The following RNF25 variants were observed in gnomAD, a reference collection of about 807,000 sequenced individuals.
RNF25 encodes the protein E3 ubiquitin-protein ligase RNF25.
RNF25 carries 32 observed loss-of-function variants against 65.0 expected under a neutral mutation model. That is an observed-to-expected ratio of 0.49 (90% CI 0.37 to 0.66). The LOEUF is 0.66. RNF25 is among the 30% of genes least tolerant of loss of function. The pLI is 0.00. For missense variants in RNF25, 493 were observed against 584.8 expected (o/e 0.84, Z 1.62); for synonymous variants, 207 against 221.2 (o/e 0.94, Z 0.57).
In RNF25 at chr2:218,668,118, A is replaced by C. The variant is rs926231142; in HGVS notation, c.248T>G (p.Ile83Ser). 1 of 1,614,182 alleles carries C rather than the reference A, an allele frequency of 6.2e-7. No individual in the cohort carries two copies. Among genetic ancestry groups the C allele is most frequent in the South Asian group, 1.1e-5 (1 of 91,082 alleles). Reference protein sequence around the residue: ...EYPHEVPQISIRNPRGLSDEQ... With the variant: ...EYPHEVPQISSRNPRGLSDEQ... ...ATCTGAAAGTCCTCGGGGATTTCGG[A>C]TAGAGATCTGTGGCACCTCATGGGG... is the stretch of plus-strand genomic sequence containing the variant. The change falls in exon 4 of 10, where the codon ATC becomes AGC. Residue 83 changes from isoleucine (I) to serine (S), a missense_variant. Physicochemically the swap from Ile to Ser is moderately radical, Grantham distance 142. Transcript: ENST00000295704.
intron 2 of RNF25, 87 bp downstream of exon 2, chr2:218,668,518 G>T: frequency 9.5e-7 from 1 of 1,055,564 alleles, no homozygotes; most frequent in Non-Finnish European, 1.5e-6. Context: ...CTGAATCAAG[G>T]CTCACAATGT....
At chr2:218,669,240 G>A (rs1254274226) in intron 1 of RNF25, among the ~76,000 whole-genome samples, 7 of 152,290 alleles carry the variant, frequency 4.6e-5, no homozygotes, top group South Asian at 2.1e-4. Context: ...CAGCAGCCTC[G>A]GAGTTAGTTA....
At chr2:218,669,087 C>G (rs1939896071) in intron 1 of RNF25, among the ~76,000 whole-genome samples, 1 of 152,250 alleles carries the variant, frequency 6.6e-6, no homozygotes, top group South Asian at 2.1e-4. Flanking sequence ...TTCCCTACGT[C>G]ACTGTCCAGT....
In RNF25 at chr2:218,664,429, G is replaced by C; in HGVS notation, c.908C>G (p.Thr303Ser). The C allele has an allele frequency of 1.2e-6, 2 of 1,614,242 alleles. No individual in the cohort carries two copies. Among genetic ancestry groups the C allele is most frequent in the Non-Finnish European group, 1.7e-6 (2 of 1,180,042 alleles). Residue 303 changes from threonine to serine, a missense_variant, in exon 10 of 10, where the codon ACT becomes AGT. Thr to Ser is a moderately conservative substitution (Grantham distance 58). Transcript: ENST00000295704. This position sits in a 1 kb window ranked among gnomAD's most constrained non-coding sequence, Gnocchi z 5.1. ...CGCCACAGGCAGAGGAGGTGGCAAA[G>C]TGGATTGGACGGCTGGTGAGGTGGA... is the stretch of plus-strand genomic sequence containing the variant. Reference protein sequence around the residue: ...ELSTSPAVQSTLPPPLPVATQ... With the variant: ...ELSTSPAVQSSLPPPLPVATQ...
intron 1 of RNF25, 124 bp from the exon 2 acceptor site, chr2:218,668,803 C>A (rs1181997203): frequency 1.4e-6 from 1 of 698,708 alleles, no homozygotes; most frequent in African/African-American, 1.8e-5. Flanking sequence ...CTGCTAAACT[C>A]CTTAAAAACA....
Position 218,664,677 on chromosome 2 carries a change from C to T in RNF25, c.801+62G>A. On this transcript the variant is annotated intron_variant, in intron 9 of 9. Transcript: ENST00000295704. The surrounding 1 kb of genome is among the most constrained non-coding windows in gnomAD (Gnocchi z 5.1). ...AACAAAGCTCACTCTGGGGCCATGG[C>T]TGATTGGGGTTTGTAGAAAGGTTGG... 6.2e-7 allele frequency: 1 copy of T among 1,608,152 alleles called. No individual in the cohort carries two copies.
chr2:218,669,884 T>C (rs1939908959), intron 1 of RNF25, among the ~76,000 whole-genome samples: 1 of 152,146 alleles, frequency 6.6e-6, no homozygotes, highest in Non-Finnish European at 1.5e-5. Context: ...GCTGCACTCA[T>C]TGTTGCTGTC....
rs765597074 is a variant in RNF25 at position 218,666,034 on chromosome 2, G to C, written c.455C>G (p.Pro152Arg). The C allele has an allele frequency of 1.2e-6, 2 of 1,613,990 alleles. No individual in the cohort carries two copies. The highest frequency in any genetic ancestry group is 1.7e-6 in the Non-Finnish European group (2 of 1,179,920). Residue 152 changes from proline to arginine, a missense_variant, in exon 7 of 10, where the codon CCC becomes CGC. Pro to Arg is a moderately radical substitution (Grantham distance 103, BLOSUM62 -2). Transcript: ENST00000295704. ...FQEKEAFTKT[P>R]CYHYFHCHCL... ...GTGGCAGTGGAAGTAGTGGTAACAG[G>C]GTGTTTTGGTAAAGGCCTCCTTCTC...
chr2:218,664,028 G>C lies in RNF25; in HGVS notation c.1309C>G (p.Arg437Gly). ...CCAGGCCGGTATGCTCCCTGGCCCC[G>C]AGGCAGGCGAGGGTAGGAAGAACCG... Reference protein sequence around the residue: ...TPGSSYPRLPRGQGAYRPGTR... With the variant: ...TPGSSYPRLPGGQGAYRPGTR... The change falls in exon 10 of 10, where the codon CGG becomes GGG. Residue 437 changes from arginine to glycine, a missense_variant. Transcript: ENST00000295704. The surrounding 1 kb of genome is among the most constrained non-coding windows in gnomAD (Gnocchi z 5.1). The C allele has an allele frequency of 6.7e-7, 1 of 1,491,474 alleles. No homozygotes were observed. The allele number at this position is 1,491,474 out of a possible 1,614,324, so 92.4% of individuals were successfully genotyped here. A position where few individuals can be genotyped will look rare whatever the true frequency, so the allele number is the denominator to read the frequency against.
intron 1 of RNF25, among the ~76,000 whole-genome samples, chr2:218,671,067 G>T (rs1432728353): frequency 1.3e-5 from 2 of 152,180 alleles, no homozygotes; most frequent in East Asian, 3.9e-4. Context: ...CAGCTACTCG[G>T]AAGGCTGAGG....
chr2:218,671,932 GTCC>G lies in RNF25; in HGVS notation c.36_38del (p.Glu12del). 1 of 1,614,206 alleles carries G rather than the reference GTCC, an allele frequency of 6.2e-7. No individual in the cohort carries two copies. Among genetic ancestry groups the G allele is most frequent in the Non-Finnish European group, 8.5e-7 (1 of 1,180,044 alleles). ...AAAGCCCATGCCCCCAAAGTTACCA[GTCC>G]TCCTCCCCTGCAGCTGCAGACGCAG... On this transcript the variant is annotated inframe_deletion, in exon 1 of 10. Transcript: ENST00000295704.
chr2:218,667,818 C>T (rs761814317), intron 5 of RNF25, 94 bp downstream of exon 5: 65 of 1,150,778 alleles, frequency 5.6e-5, no homozygotes, highest in Middle Eastern at 2.1e-4. Context: ...ACTCCAGATC[C>T]GTTTAAGATT....
intron 1 of RNF25, among the ~76,000 whole-genome samples, chr2:218,671,162 ACT>A: frequency 6.6e-6 from 1 of 152,204 alleles, no homozygotes; most frequent in South Asian, 2.1e-4. Flanking sequence ...CGAGAGTGAG[ACT>A]CTGTCTCAAA....
intron 2 of RNF25, 89 bp from the exon 3 acceptor site, chr2:218,668,430 AG>A: frequency 9.4e-7 from 1 of 1,058,854 alleles, no homozygotes. Flanking sequence ...AAGTGGGCAA[AG>A]GAAGTACACA....
At chr2:218,665,378 G>C (rs1939800993) in intron 7 of RNF25, 131 bp from the exon 8 acceptor site, 8 of 719,468 alleles carry the variant, frequency 1.1e-5, no homozygotes, top group Admixed American at 2.8e-5. Flanking sequence ...AGTGAGTTGG[G>C]ACAGAGCACG....
At chr2:218,670,753 T>G (rs966129285) in intron 1 of RNF25, among the ~76,000 whole-genome samples, 2 of 147,872 alleles carry the variant, frequency 1.4e-5, no homozygotes, top group African/African-American at 5.0e-5. Context: ...AATGTCCTAG[T>G]ACAAAGAATC....
At chr2:218,667,820 T>C (rs1336412741) in intron 5 of RNF25, 92 bp downstream of exon 5, 4 of 1,197,194 alleles carry the variant, frequency 3.3e-6, no homozygotes, top group South Asian at 1.4e-5. Context: ...TCCAGATCCG[T>C]TTAAGATTCT....
chr2:218,664,515 A>G lies in RNF25; in HGVS notation c.822T>C (p.Pro274=). The G allele has an allele frequency of 6.2e-7, 1 of 1,613,260 alleles. No homozygotes were observed. Among genetic ancestry groups the G allele is most frequent in the African/African-American group, 1.3e-5 (1 of 75,032 alleles). ...CTTTGGAGACATCTACAGCTGACTC[A>G]GGTTCCGCAGGGGCAGGAGGCTAGA... ...SLQQPPAPAE[P]ESAVDVSKGS... Residue 274 remains proline (P), a synonymous_variant, in exon 10 of 10, where the codon CCT becomes CCC. Coordinates refer to ENST00000295704, the MANE Select transcript of RNF25 (RefSeq NM_022453.3). This position sits in a 1 kb window ranked among gnomAD's most constrained non-coding sequence, Gnocchi z 5.1.
rs752368259 is a variant in RNF25 at position 218,664,793 on chromosome 2, C to T, written c.747G>A (p.Gly249=). ...KRLYQRQQER[G]GIIDLEAERN... ...GCTCAGCCTCAAGGTCAATGATTCCCCCCCGCTCCTGCTGCCTCTGGTAGA... is the reference window on the plus strand; with the variant it reads ...GCTCAGCCTCAAGGTCAATGATTCCTCCCCGCTCCTGCTGCCTCTGGTAGA... The change falls in exon 9 of 10, where the codon GGG becomes GGA. Residue 249 remains glycine, a synonymous_variant. Coordinates refer to ENST00000295704, the MANE Select transcript of RNF25 (RefSeq NM_022453.3). The surrounding 1 kb of genome is among the most constrained non-coding windows in gnomAD (Gnocchi z 5.1). 7.4e-6 allele frequency: 12 copies of T among 1,614,130 alleles called. No homozygotes were observed. The highest frequency in any genetic ancestry group is 4.5e-5 in the East Asian group (2 of 44,900).
Sources: allele counts gnomAD v4.1 joint callset (sites outside exome capture counted in the v4.1 genomes callset), GRCh38; gene constraint gnomAD v4.1.1; non-coding constraint Gnocchi (gnomAD v3.1); transcripts MANE v1.5; gene names NCBI Gene and HGNC (gene_info 2026-07-23, HGNC 2026-07-21).